The following YIPF7 variants were observed in gnomAD, a reference collection of about 807,000 sequenced individuals.
The protein encoded by YIPF7 is Yip1 domain family member 7.
In YIPF7, 35 loss-of-function variants were observed where a neutral mutation model predicts 27.2. That is an observed-to-expected ratio of 1.29 (90% confidence interval 0.98 to 1.70). The LOEUF is 1.70. Among genes scored for constraint, YIPF7 ranks in the 40% most tolerant of loss-of-function variants. YIPF7 has a pLI of 0.00. For synonymous variants in YIPF7, 137 were observed against 110.4 expected (o/e 1.24, Z -1.51); for missense variants, 358 against 303.7 (o/e 1.18, Z -1.33).
chr4:44,626,522 G>T (rs1712643509), intron 4 of YIPF7, among the ~76,000 whole-genome samples: 1 of 152,110 alleles, frequency 6.6e-6, no homozygotes, highest in Non-Finnish European at 1.5e-5. Flanking sequence ...GGGAGTAGAT[G>T]AAGCTAATTT....
rs564461754 is a variant in YIPF7 at position 44,629,883 on chromosome 4, G to A, written c.281-335C>T. The stretch of plus-strand genomic sequence containing the variant: ...AATCTAATTGAAAATTGGGAAGTTG[G>A]CAATATACAGTAAAAAATAAAATTG... On this transcript the variant is annotated intron_variant, in intron 3 of 5. Coordinates refer to ENST00000415895, the MANE Select transcript of YIPF7 (RefSeq NM_182592.3). Among the ~76,000 whole-genome samples the A allele has an allele frequency of 3.3e-5, 5 of 152,302 alleles. No individual in the cohort carries two copies. The South Asian group carries it at 1.0e-3, about 32-fold the overall frequency.
chr4:44,629,531 C>G lies in YIPF7; in HGVS notation c.298G>C (p.Asp100His). Reference protein sequence around the residue: ...PLLEELGIHFDHIWQKTLTVL... With the variant: ...PLLEELGIHFHHIWQKTLTVL... ...GTCAAAGTTTTTTGCCATATGTGAT[C>G]AAAATGGATTCCAAGTTCTGTAAAA... Residue 100 changes from aspartate (D) to histidine (H), a missense_variant, in exon 4 of 6, where the codon GAT (aspartate) becomes CAT (histidine). Asp to His is a moderately conservative substitution (Grantham distance 81, BLOSUM62 -1). Coordinates refer to ENST00000415895, the MANE Select transcript of YIPF7 (RefSeq NM_182592.3). The G allele has an allele frequency of 6.5e-7, 1 of 1,539,082 alleles. No individual in the cohort carries two copies.
At chr4:44,645,970 A>G (rs930868098) in intron 2 of YIPF7, among the ~76,000 whole-genome samples, 1 of 152,218 alleles carries the variant, frequency 6.6e-6, no homozygotes, top group Non-Finnish European at 1.5e-5. Flanking sequence ...CTTGGAGACA[A>G]GATTTGAAGT....
chr4:44,625,404 AT>A (rs1483439085), intron 4 of YIPF7, among the ~76,000 whole-genome samples: 1 of 152,180 alleles, frequency 6.6e-6, no homozygotes, highest in Non-Finnish European at 1.5e-5. Flanking sequence ...CAGCTCTAAA[AT>A]TTAGGTCCTG....
upstream of YIPF7, chr4:44,651,638 A>T: frequency 6.4e-7 from 1 of 1,568,366 alleles, no homozygotes; most frequent in Non-Finnish European, 8.7e-7. Context: ...TGAAAAGATG[A>T]CATGCTGGCT....
At chr4:44,657,541 T>G (rs1365153457) in intron 2 of YIPF7, among the ~76,000 whole-genome samples, 2 of 152,116 alleles carry the variant, frequency 1.3e-5, no homozygotes, top group South Asian at 2.1e-4. Flanking sequence ...CATGCCACAA[T>G]GTGAAAAACT....
chr4:44,650,996 C>T (rs1344546641), intron 1 of YIPF7, among the ~76,000 whole-genome samples: 1 of 152,092 alleles, frequency 6.6e-6, no homozygotes, highest in Non-Finnish European at 1.5e-5. Context: ...CTTTATTTTT[C>T]TTTGAAAACC....
upstream of YIPF7, among the ~76,000 whole-genome samples, chr4:44,654,272 A>G (rs73177668): frequency 4.6e-5 from 7 of 151,532 alleles, no homozygotes; most frequent in African/African-American, 1.7e-4. Flanking sequence ...TTGATATTAC[A>G]TATAGTCACA....
intron 2 of YIPF7, among the ~76,000 whole-genome samples, chr4:44,641,016 T>C (rs1360752368): frequency 6.6e-6 from 1 of 152,056 alleles, no homozygotes; most frequent in African/African-American, 2.4e-5. Context: ...AGTTTCCTGG[T>C]TGCTTTCTAA....
In YIPF7 at chr4:44,622,304, T is replaced by C; in HGVS notation, c.*110A>G. ...GCTGCTTTGTCTCTCTGCTTATTAC[T>C]CTCTCAAAAGCAATAAAACAGAAAT... is the stretch of plus-strand genomic sequence containing the variant. On this transcript the variant is annotated 3_prime_UTR_variant, in exon 6 of 6. Coordinates refer to ENST00000415895, the MANE Select transcript of YIPF7 (RefSeq NM_182592.3). 7.6e-7 allele frequency: 1 copy of C among 1,320,930 alleles called. No individual in the cohort carries two copies. Among genetic ancestry groups the C allele is most frequent in the Non-Finnish European group, 1.0e-6 (1 of 972,688 alleles). The allele number at this position is 1,320,930 out of a possible 1,614,324, so 81.8% of individuals were successfully genotyped here. A position where few individuals can be genotyped will look rare whatever the true frequency, so the allele number is the denominator to read the frequency against.
chr4:44,637,683 G>A (rs1299906741), intron 2 of YIPF7, among the ~76,000 whole-genome samples: 1 of 152,046 alleles, frequency 6.6e-6, no homozygotes, highest in African/African-American at 2.4e-5. Flanking sequence ...AGATTTTGGT[G>A]TACCCATCAC....
chr4:44,661,648 A>G (rs1714042923), intron 1 of YIPF7, among the ~76,000 whole-genome samples: 1 of 152,216 alleles, frequency 6.6e-6, no homozygotes, highest in South Asian at 2.1e-4. Context: ...ACAACAATAA[A>G]AAGCAGCATA....
chr4:44,648,457 A>G (rs886140233), intron 2 of YIPF7, among the ~76,000 whole-genome samples: 4 of 152,160 alleles, frequency 2.6e-5, no homozygotes. Context: ...GAGTTAATGT[A>G]TATAATTGAG....
intron 4 of YIPF7, among the ~76,000 whole-genome samples, chr4:44,627,778 G>GAAATT (rs1553872214): frequency 2.0e-5 from 3 of 152,118 alleles, no homozygotes; most frequent in Non-Finnish European, 4.4e-5. Context: ...AAAATGAAAT[G>GAAATT]AAAGCCTAGA....
upstream of YIPF7, among the ~76,000 whole-genome samples, chr4:44,653,360 G>A (rs2109604103): frequency 6.6e-6 from 1 of 152,196 alleles, no homozygotes. Context: ...AGTGGAAGAG[G>A]GAGACTGGTT....
At chr4:44,653,229 T>A (rs58633048), upstream of YIPF7, among the ~76,000 whole-genome samples, 11,734 of 152,022 alleles carry the variant, frequency 0.077, 528 homozygotes, top group Admixed American at 0.13. Flanking sequence ...GTCAGAGGTA[T>A]GAACAGAGGC....
intron 2 of YIPF7, among the ~76,000 whole-genome samples, chr4:44,648,915 A>C (rs1713625200): frequency 6.6e-6 from 1 of 152,168 alleles, no homozygotes; most frequent in Non-Finnish European, 1.5e-5. Context: ...TTTTGCCGCT[A>C]TCAAATTCTT....
At chr4:44,639,410 C>T (rs1560326888) in intron 2 of YIPF7, among the ~76,000 whole-genome samples, 1 of 152,070 alleles carries the variant, frequency 6.6e-6, no homozygotes, top group Non-Finnish European at 1.5e-5. Context: ...TCTTTCACCT[C>T]CTTGGCTAAT....
intron 4 of YIPF7, among the ~76,000 whole-genome samples, chr4:44,625,200 C>T (rs531328565): frequency 6.6e-6 from 1 of 152,298 alleles, no homozygotes; most frequent in South Asian, 2.1e-4. Flanking sequence ...CAAACACCTA[C>T]AGGGTTTACC....
Sources: allele counts gnomAD v4.1 joint callset (sites outside exome capture counted in the v4.1 genomes callset), GRCh38; gene constraint gnomAD v4.1.1; transcripts MANE v1.5; gene names NCBI Gene and HGNC (gene_info 2026-07-23, HGNC 2026-07-21).